Variants in RANBP2 observed in about 807,000 individuals in gnomAD.
RANBP2 encodes the protein E3 SUMO-protein ligase RanBP2.
In RANBP2, 57 loss-of-function variants were observed where a neutral mutation model predicts 303.6. The observed-to-expected ratio is 0.19, with a 90% confidence interval of 0.15 to 0.23. The LOEUF is 0.23. Among genes scored for constraint, RANBP2 ranks in the 10% least tolerant of loss-of-function variants. The pLI is 1.00. For missense variants in RANBP2, 3,138 were observed against 3,780.8 expected, an observed-to-expected ratio of 0.83 and a Z score of 4.46; for synonymous variants, 1,167 against 1,301.5, an observed-to-expected ratio of 0.90 and a Z score of 2.23.
the RANBP2 span, among the ~76,000 whole-genome samples, chr2:109,531,779 T>G: frequency 6.6e-6 from 1 of 152,208 alleles, no homozygotes; most frequent in African/African-American, 2.4e-5. Context: ...ATATTGCATC[T>G]ACTGATTACC....
At chr2:109,194,447 G>C in the RANBP2 span, among the ~76,000 whole-genome samples, 2 of 152,232 alleles carry the variant, frequency 1.3e-5, no homozygotes, top group Non-Finnish European at 2.9e-5. Context: ...GCTGGCTGAT[G>C]GCAGCTGTGT....
At chr2:109,646,800 C>T in the RANBP2 span, among the ~76,000 whole-genome samples, 38 of 152,034 alleles carry the variant, frequency 2.5e-4, no homozygotes, top group African/African-American at 6.5e-4. Flanking sequence ...GCCACTGCTC[C>T]CGGCCACAAA....
the RANBP2 span, among the ~76,000 whole-genome samples, chr2:109,367,639 A>C: frequency 3.9e-5 from 6 of 152,172 alleles, no homozygotes; most frequent in Non-Finnish European, 7.4e-5. Flanking sequence ...TCTCTCCTGT[A>C]TCATTTTTAA....
the RANBP2 span, among the ~76,000 whole-genome samples, chr2:109,106,232 A>G: frequency 3.9e-5 from 6 of 152,188 alleles, no homozygotes; most frequent in Non-Finnish European, 7.4e-5. Flanking sequence ...ACTCTGCCTT[A>G]TGCCCCTTAG....
chr2:109,653,213 A>G, the RANBP2 span, among the ~76,000 whole-genome samples: 22 of 151,986 alleles, frequency 1.4e-4, no homozygotes, highest in Admixed American at 1.4e-3. Context: ...TGGCCAACAC[A>G]GTGAAACCCC....
the RANBP2 span, among the ~76,000 whole-genome samples, chr2:108,931,397 C>T: frequency 6.6e-6 from 1 of 152,340 alleles, no homozygotes; most frequent in South Asian, 2.1e-4. Context: ...GGCCTCTGGG[C>T]TCCAGGACTT....
chr2:108,977,010 G>C, the RANBP2 span, among the ~76,000 whole-genome samples: 3 of 152,138 alleles, frequency 2.0e-5, no homozygotes. Flanking sequence ...AGGTGTCTGA[G>C]GGTGCCCCAA....
At chr2:108,732,072 A>G (rs552618769) in intron 4 of RANBP2, among the ~76,000 whole-genome samples, 1 of 152,284 alleles carries the variant, frequency 6.6e-6, no homozygotes, top group Non-Finnish European at 1.5e-5. Flanking sequence ...AACATTTAAA[A>G]TGTATATTGT....
the RANBP2 span, among the ~76,000 whole-genome samples, chr2:109,078,268 G>GTATATATATA: frequency 7.1e-4 from 33 of 46,254 alleles, 4 homozygotes; most frequent in African/African-American, 2.5e-3. Flanking sequence ...TATATAGCGC[G>GTATATATATA]TATATATATA....
chr2:109,684,770 G>A, the RANBP2 span, among the ~76,000 whole-genome samples: 2 of 148,724 alleles, frequency 1.3e-5, no homozygotes, highest in South Asian at 4.3e-4. Context: ...CCTGACCTCA[G>A]GTGATCCGCC....
the RANBP2 span, among the ~76,000 whole-genome samples, chr2:108,829,700 C>T: frequency 4.6e-5 from 7 of 152,118 alleles, no homozygotes; most frequent in Non-Finnish European, 7.4e-5. Context: ...GAGCCAAGAT[C>T]GTGCCACCAC....
the RANBP2 span, among the ~76,000 whole-genome samples, chr2:109,393,013 A>G: frequency 6.6e-6 from 1 of 152,166 alleles, no homozygotes; most frequent in South Asian, 2.1e-4. Context: ...GACGTGTTTT[A>G]CAACTGGCAA....
the RANBP2 span, among the ~76,000 whole-genome samples, chr2:109,275,850 C>T: frequency 2.0e-5 from 3 of 152,142 alleles, no homozygotes; most frequent in African/African-American, 7.2e-5. Context: ...TAGGATTTTC[C>T]CTTCAAGGTC....
chr2:109,545,517 G>A, the RANBP2 span: 3 of 1,535,888 alleles, frequency 2.0e-6, no homozygotes, highest in South Asian at 1.2e-5. Flanking sequence ...TCAATGCACA[G>A]GAGTTCGAAT....
chr2:109,545,535 C>CTGGT, the RANBP2 span: 1 of 1,535,790 alleles, frequency 6.5e-7, no homozygotes, highest in African/African-American at 1.4e-5. Flanking sequence ...AATCGACAGC[C>CTGGT]TGGTTCCCTT....
At chr2:109,763,036 A>T in the RANBP2 span, among the ~76,000 whole-genome samples, 1 of 149,290 alleles carries the variant, frequency 6.7e-6, no homozygotes, top group African/African-American at 2.5e-5. Context: ...CAAAATAACT[A>T]ATATTTGAGA....
At chr2:109,066,024 G>A in the RANBP2 span, among the ~76,000 whole-genome samples, 1 of 152,214 alleles carries the variant, frequency 6.6e-6, no homozygotes, top group African/African-American at 2.4e-5. Context: ...CGTAACCTCT[G>A]CCTCCCGGAT....
At chr2:108,836,183 CT>C in the RANBP2 span, among the ~76,000 whole-genome samples, 2 of 152,180 alleles carry the variant, frequency 1.3e-5, no homozygotes, top group East Asian at 1.9e-4. Flanking sequence ...ACCCCCGCCC[CT>C]GATGACCACC....
At chr2:109,051,760 T>C in the RANBP2 span, among the ~76,000 whole-genome samples, 1 of 151,994 alleles carries the variant, frequency 6.6e-6, no homozygotes, top group Non-Finnish European at 1.5e-5. Flanking sequence ...TTCTTTTTTT[T>C]TTTTTTGAGA....
Sources: gnomAD v4.1 joint callset for allele counts (sites outside exome capture counted in the v4.1 genomes callset) on GRCh38, gnomAD v4.1.1 for gene constraint, MANE v1.5 for transcripts, NCBI Gene and HGNC (gene_info 2026-07-23, HGNC 2026-07-21) for gene names.